Variants in ROR2 observed in about 807,000 individuals in gnomAD.
The protein encoded by ROR2 is tyrosine-protein kinase transmembrane receptor ROR2.
A neutral mutation model predicts 74.9 loss-of-function variants in ROR2; 33 were observed. The observed-to-expected ratio is 0.44, with a 90% confidence interval of 0.33 to 0.59. The LOEUF is 0.59. Among genes scored for constraint, ROR2 ranks in the 20% least tolerant of loss-of-function variants. The pLI is 0.02. For synonymous variants in ROR2, 586 were observed against 558.7 expected (o/e 1.05, Z -0.69); for missense variants, 1,216 against 1,313.8 (o/e 0.93, Z 1.15).
At chr9:91,932,523 G>A (rs1041590735) in intron 1 of ROR2, among the ~76,000 whole-genome samples, 6 of 152,210 alleles carry the variant, frequency 3.9e-5, no homozygotes, top group Admixed American at 3.3e-4. Flanking sequence ...AATTAGCTGG[G>A]TGTGGTGGCG....
intron 1 of ROR2, among the ~76,000 whole-genome samples, chr9:91,785,666 G>A (rs1012991356): frequency 9.2e-5 from 14 of 152,248 alleles, no homozygotes; most frequent in African/African-American, 3.4e-4. Flanking sequence ...GTGGGGTGGT[G>A]CCTGCTACAC....
intron 1 of ROR2, among the ~76,000 whole-genome samples, chr9:91,844,056 C>T (rs536484097): frequency 1.3e-5 from 2 of 152,186 alleles, no homozygotes; most frequent in South Asian, 4.1e-4. Flanking sequence ...TGCAGCGGGG[C>T]GGATGAAGGG....
At chr9:91,738,403 G>A (rs1302735195) in intron 4 of ROR2, among the ~76,000 whole-genome samples, 1 of 152,054 alleles carries the variant, frequency 6.6e-6, no homozygotes, top group Admixed American at 6.6e-5. Flanking sequence ...TGAGGTGAAG[G>A]GTACACGGGG....
intron 4 of ROR2, among the ~76,000 whole-genome samples, chr9:91,748,922 G>A (rs1825518428): frequency 6.6e-6 from 1 of 152,194 alleles, no homozygotes; most frequent in African/African-American, 2.4e-5. Context: ...AGCTACTCAG[G>A]AGGCTGAGGC....
intron 1 of ROR2, among the ~76,000 whole-genome samples, chr9:91,786,385 G>A (rs1302387602): frequency 6.7e-6 from 1 of 150,084 alleles, no homozygotes; most frequent in Non-Finnish European, 1.5e-5. Flanking sequence ...TAAATAAATG[G>A]GCAATATACT....
At chr9:91,929,832 C>T (rs1831505052) in intron 1 of ROR2, among the ~76,000 whole-genome samples, 1 of 152,138 alleles carries the variant, frequency 6.6e-6, no homozygotes, top group Non-Finnish European at 1.5e-5. Flanking sequence ...TTCCTGGGTG[C>T]TAAGGCCAGG....
At chr9:91,853,680 A>G (rs1212347737) in intron 1 of ROR2, among the ~76,000 whole-genome samples, 1 of 152,108 alleles carries the variant, frequency 6.6e-6, no homozygotes, top group East Asian at 1.9e-4. Flanking sequence ...TCAAGACAAC[A>G]GGACACGTCC....
chr9:91,734,090 G>C (rs1279345975), intron 5 of ROR2, among the ~76,000 whole-genome samples: 1 of 152,196 alleles, frequency 6.6e-6, no homozygotes. Flanking sequence ...TGTTTTTTAA[G>C]GGCAAGATGT....
rs1829255547 is a variant in ROR2, at chr9:91,855,605, A to AT, written c.98-79788_98-79787insA. Among the ~76,000 whole-genome samples the AT allele has an allele frequency of 2.6e-5, 4 of 152,242 alleles. No individual in the cohort carries two copies. The South Asian group carries it at 8.3e-4, about 32-fold the overall frequency. On this transcript the variant is annotated intron_variant, in intron 1 of 8. Transcript: ENST00000375708. ...AGAGAAGGAAGGGACACCCAGGGGC[A>AT]ATCAGCCTGCCTTTGCTGGAGGAAT...
intron 1 of ROR2, among the ~76,000 whole-genome samples, chr9:91,869,241 C>G (rs1413234451): frequency 6.6e-6 from 1 of 152,020 alleles, no homozygotes; most frequent in African/African-American, 2.4e-5. Context: ...ATACATTGTT[C>G]TGGAAACAGA....
chr9:91,884,618 C>T (rs1830220171), intron 1 of ROR2, among the ~76,000 whole-genome samples: 1 of 151,992 alleles, frequency 6.6e-6, no homozygotes, highest in Non-Finnish European at 1.5e-5. Context: ...TCTAAATCTT[C>T]TCCCTGATCT....
chr9:91,807,820 G>A (rs1360742787), intron 1 of ROR2, among the ~76,000 whole-genome samples: 1 of 152,138 alleles, frequency 6.6e-6, no homozygotes, highest in Non-Finnish European at 1.5e-5. Flanking sequence ...GAACAGGCCT[G>A]TTGGGGAAGT....
chr9:91,823,186 T>C (rs1828185694), intron 1 of ROR2, among the ~76,000 whole-genome samples: 1 of 152,170 alleles, frequency 6.6e-6, no homozygotes, highest in Admixed American at 6.5e-5. Context: ...CATTAGACGA[T>C]ATCATGGGAC....
chr9:91,893,980 G>T (rs1830481885), intron 1 of ROR2, among the ~76,000 whole-genome samples: 1 of 152,128 alleles, frequency 6.6e-6, no homozygotes, highest in South Asian at 2.1e-4. Flanking sequence ...CCCATCAGAG[G>T]GTGTTTTTTT....
intron 1 of ROR2, among the ~76,000 whole-genome samples, chr9:91,938,613 C>T (rs1831765504): frequency 6.6e-6 from 1 of 152,040 alleles, no homozygotes; most frequent in Non-Finnish European, 1.5e-5. Flanking sequence ...CAGAGCAAGA[C>T]TTCATCTCAA....
intron 1 of ROR2, among the ~76,000 whole-genome samples, chr9:91,925,535 T>C (rs1349869107): frequency 6.6e-6 from 1 of 151,840 alleles, no homozygotes; most frequent in African/African-American, 2.4e-5. Flanking sequence ...GCCTGGCACA[T>C]GCACCCATTT....
chr9:91,917,872 C>T (rs528776422), intron 1 of ROR2, among the ~76,000 whole-genome samples: 1 of 152,348 alleles, frequency 6.6e-6, no homozygotes, highest in East Asian at 1.9e-4. Context: ...CTGCACAGAG[C>T]TGGATAGTGA....
chr9:91,894,158 A>T (rs1452820424), intron 1 of ROR2, among the ~76,000 whole-genome samples: 1 of 152,092 alleles, frequency 6.6e-6, no homozygotes, highest in Non-Finnish European at 1.5e-5. Flanking sequence ...CTCTAGGTTC[A>T]CTGGCCCCTG....
At chr9:91,910,023 A>G (rs2119441986) in intron 1 of ROR2, among the ~76,000 whole-genome samples, 1 of 150,796 alleles carries the variant, frequency 6.6e-6, no homozygotes, top group Admixed American at 6.6e-5. Context: ...CACCACACTG[A>G]GCTAATTTTT....
Sources: gnomAD v4.1 joint callset for allele counts (sites outside exome capture counted in the v4.1 genomes callset) on GRCh38, gnomAD v4.1.1 for gene constraint, MANE v1.5 for transcripts, NCBI Gene and HGNC (gene_info 2026-07-23, HGNC 2026-07-21) for gene names.